The following CTNNA3 variants were observed in gnomAD, a reference collection of about 807,000 sequenced individuals.
CTNNA3 encodes the protein catenin alpha-3.
In CTNNA3, 76 loss-of-function variants were observed where a neutral mutation model predicts 95.7. That is an observed-to-expected ratio of 0.79 (90% CI 0.66 to 0.96). The LOEUF is 0.96. Among genes scored for constraint, CTNNA3 ranks in the 40% least tolerant of loss-of-function variants. The pLI is 0.00. For synonymous variants in CTNNA3, 431 were observed against 374.4 expected (o/e 1.15, Z -1.74); for missense variants, 1,191 against 1,089.8 (o/e 1.09, Z -1.31).
At chr10:66,390,359 C>T (rs1324278205) in intron 11 of CTNNA3, among the ~76,000 whole-genome samples, 1 of 152,028 alleles carries the variant, frequency 6.6e-6, no homozygotes, top group African/African-American at 2.4e-5. Flanking sequence ...CAACAGTTTC[C>T]TCCCCTGATA....
intron 5 of CTNNA3, among the ~76,000 whole-genome samples, chr10:67,443,227 G>A (rs1458577718): frequency 6.6e-6 from 1 of 151,084 alleles, no homozygotes; most frequent in Non-Finnish European, 1.5e-5. Context: ...CCAAGTCTTT[G>A]CTATTGTGAA....
chr10:66,060,683 C>G (rs527720060), intron 15 of CTNNA3, among the ~76,000 whole-genome samples: 12 of 152,150 alleles, frequency 7.9e-5, no homozygotes, highest in Admixed American at 7.2e-4. Flanking sequence ...GCAGTTTGAT[C>G]CCATCTCCTA....
At chr10:66,028,533 G>A (rs2079386294) in intron 15 of CTNNA3, among the ~76,000 whole-genome samples, 1 of 151,626 alleles carries the variant, frequency 6.6e-6, no homozygotes, top group Non-Finnish European at 1.5e-5. Context: ...CTCATAGGTG[G>A]GAATTGAACA....
chr10:66,446,157 G>C (rs2093419295), intron 11 of CTNNA3, among the ~76,000 whole-genome samples: 1 of 152,096 alleles, frequency 6.6e-6, no homozygotes, highest in African/African-American at 2.4e-5. Flanking sequence ...ACTAATAACA[G>C]GCTCTGAAAC....
chr10:67,136,546 GAGAA>G lies in CTNNA3; in HGVS notation c.1047+43767_1047+43770del, dbSNP rs559584301. Among the ~76,000 whole-genome samples, 272 of 152,148 alleles carry G rather than the reference GAGAA, an allele frequency of 1.8e-3. 4 individuals carry two copies. Among genetic ancestry groups the G allele is most frequent in the Non-Finnish European group, 4.1e-4 (28 of 67,974 alleles). The stretch of plus-strand genomic sequence containing the variant: ...TCTAATTACAAGAACACTAGAAAAA[GAGAA>G]AGAGAGAAGGAGAGAGAGAGAGACA... On this transcript the variant is annotated intron_variant, in intron 7 of 17. Transcript: ENST00000433211.
chr10:67,092,334 T>C (rs1171854289), intron 7 of CTNNA3, among the ~76,000 whole-genome samples: 1 of 151,970 alleles, frequency 6.6e-6, no homozygotes, highest in Non-Finnish European at 1.5e-5. Flanking sequence ...AAATCTCTAT[T>C]CAGACATAAC....
chr10:67,639,570 C>A (rs1308941607), intron 2 of CTNNA3, among the ~76,000 whole-genome samples: 1 of 152,000 alleles, frequency 6.6e-6, no homozygotes, highest in Non-Finnish European at 1.5e-5. Context: ...GAATTTTAGA[C>A]CAATATCTCT....
intron 9 of CTNNA3, among the ~76,000 whole-genome samples, chr10:66,746,270 A>C (rs752822269): frequency 6.6e-6 from 1 of 152,146 alleles, no homozygotes; most frequent in African/African-American, 2.4e-5. Flanking sequence ...AAAGACAAAT[A>C]TTTTATGAAA....
At chr10:66,048,384 C>T (rs1751738868) in intron 15 of CTNNA3, among the ~76,000 whole-genome samples, 1 of 152,120 alleles carries the variant, frequency 6.6e-6, no homozygotes, top group African/African-American at 2.4e-5. Flanking sequence ...GGAATGACTC[C>T]CTATTCAATG....
chr10:67,684,066 T>A (rs1265256038), intron 1 of CTNNA3, among the ~76,000 whole-genome samples: 1 of 152,258 alleles, frequency 6.6e-6, no homozygotes, highest in Non-Finnish European at 1.5e-5. Context: ...TTGCCGCTGC[T>A]GGCTCAGGTG....
At chr10:66,661,817 G>A (rs1483677513) in intron 9 of CTNNA3, among the ~76,000 whole-genome samples, 1 of 152,130 alleles carries the variant, frequency 6.6e-6, no homozygotes, top group East Asian at 1.9e-4. Flanking sequence ...TGTTCCCAGA[G>A]AGATGGCAAA....
At chr10:67,670,217 C>G (rs372095885) in intron 1 of CTNNA3, among the ~76,000 whole-genome samples, 8 of 152,162 alleles carry the variant, frequency 5.3e-5, no homozygotes, top group Non-Finnish European at 1.0e-4. Flanking sequence ...GAAGGAAATC[C>G]TTTTCTCCCA....
intron 5 of CTNNA3, among the ~76,000 whole-genome samples, chr10:67,481,248 C>G (rs1282807811): frequency 6.6e-6 from 1 of 152,164 alleles, no homozygotes; most frequent in Non-Finnish European, 1.5e-5. Flanking sequence ...CACTACTCAT[C>G]TTCAGCATAG....
intron 13 of CTNNA3, among the ~76,000 whole-genome samples, chr10:66,268,783 A>C (rs901136392): frequency 1.3e-5 from 2 of 152,168 alleles, no homozygotes; most frequent in Admixed American, 1.3e-4. Flanking sequence ...AGGAAAGTAC[A>C]TTGCATTGAG....
chr10:66,107,275 T>C (rs1473331507), intron 13 of CTNNA3, among the ~76,000 whole-genome samples: 1 of 152,206 alleles, frequency 6.6e-6, no homozygotes, highest in Non-Finnish European at 1.5e-5. Flanking sequence ...ACCTCTGGCT[T>C]ATTATGGTGT....
chr10:67,444,506 C>G (rs1846662131), intron 5 of CTNNA3, among the ~76,000 whole-genome samples: 1 of 151,714 alleles, frequency 6.6e-6, no homozygotes, highest in Admixed American at 6.6e-5. Context: ...CCAGAGCAAA[C>G]CAAACCCAAA....
intron 13 of CTNNA3, among the ~76,000 whole-genome samples, chr10:66,147,118 A>G (rs1456801739): frequency 5.3e-5 from 8 of 152,050 alleles, no homozygotes; most frequent in Non-Finnish European, 8.8e-5. Context: ...AATCTGGGGT[A>G]TGGGGAACAG....
chr10:67,748,998 T>C (rs970247185), intron 1 of CTNNA3, among the ~76,000 whole-genome samples: 8 of 151,984 alleles, frequency 5.3e-5, no homozygotes, highest in Non-Finnish European at 1.2e-4. Flanking sequence ...AAAGCAGGGG[T>C]TGCAATCCTA....
At chr10:67,658,058 C>T (rs1840076430) in intron 1 of CTNNA3, among the ~76,000 whole-genome samples, 1 of 152,012 alleles carries the variant, frequency 6.6e-6, no homozygotes, top group Non-Finnish European at 1.5e-5. Context: ...CAACCCCCAC[C>T]GTCTGCTAAA....
Sources: allele counts gnomAD v4.1 joint callset (sites outside exome capture counted in the v4.1 genomes callset), GRCh38; gene constraint gnomAD v4.1.1; transcripts MANE v1.5; gene names NCBI Gene and HGNC (gene_info 2026-07-23, HGNC 2026-07-21).